USH2A: variants seen among roughly 807,000 people sequenced by gnomAD.
The protein encoded by USH2A is Usher syndrome 2A (autosomal recessive, mild).
A neutral mutation model predicts 538.9 loss-of-function variants in USH2A; 443 were observed. The observed-to-expected ratio is 0.82, with a 90% CI of 0.76 to 0.89. USH2A has a LOEUF of 0.89. Among genes scored for constraint, USH2A ranks in the 40% least tolerant of loss-of-function variants. The pLI is 0.00. For synonymous variants in USH2A, 2,413 were observed against 2,273.5 expected, an observed-to-expected ratio of 1.06 and a Z score of -1.75; for missense variants, 6,633 against 6,324.8, an observed-to-expected ratio of 1.05 and a Z score of -1.65.
intron 3 of USH2A, among the ~76,000 whole-genome samples, chr1:216,385,169 T>C (rs945563664): frequency 6.6e-6 from 1 of 152,126 alleles, no homozygotes. Flanking sequence ...CTTTCCAATA[T>C]GAGGTAAAAG....
chr1:216,234,218 G>GT lies in USH2A; in HGVS notation c.2810-2083dup, dbSNP rs1270771924. Among the ~76,000 whole-genome samples, 4 of 152,012 alleles carry GT rather than the reference G, an allele frequency of 2.6e-5. No homozygotes were observed. The East Asian group carries it at 5.8e-4, about 22-fold the overall frequency. On this transcript the variant is annotated intron_variant, in intron 13 of 71. Transcript: ENST00000307340. The stretch of plus-strand genomic sequence containing the variant: ...TTTTCTTATAGTTACCAACAATTGG[G>GT]TTTTTTTCCTTCCCCTAGATCCTAT...
intron 21 of USH2A, among the ~76,000 whole-genome samples, chr1:216,158,447 T>C (rs1190335106): frequency 6.6e-6 from 1 of 152,116 alleles, no homozygotes; most frequent in African/African-American, 2.4e-5. Context: ...TCACCCAGGC[T>C]AGTCTTGAAC....
intron 49 of USH2A, among the ~76,000 whole-genome samples, chr1:215,804,716 G>A (rs1220535054): frequency 7.2e-5 from 11 of 152,196 alleles, no homozygotes; most frequent in African/African-American, 2.7e-4. Flanking sequence ...CATTGTGGAA[G>A]TCAGTGTGGC....
intron 24 of USH2A, 26 bp from the exon 25 acceptor site, chr1:216,084,903 A>C (rs940654462): frequency 1.7e-5 from 28 of 1,603,604 alleles, no homozygotes; most frequent in Non-Finnish European, 2.4e-5. Context: ...GATATCAAGA[A>C]ATATATATTT....
chr1:215,830,006 T>C (rs1418132723), intron 47 of USH2A, among the ~76,000 whole-genome samples: 2 of 152,162 alleles, frequency 1.3e-5, no homozygotes, highest in Admixed American at 6.5e-5. Context: ...GCAAAAATTA[T>C]ATAAAGTAAC....
At chr1:216,172,459 A>C (rs2102638291) in intron 21 of USH2A, among the ~76,000 whole-genome samples, 1 of 152,214 alleles carries the variant, frequency 6.6e-6, no homozygotes, top group Non-Finnish European at 1.5e-5. Flanking sequence ...AGGACATCTT[A>C]GTTTATCTTA....
At chr1:216,267,832 A>T (rs1486171123) in intron 11 of USH2A, among the ~76,000 whole-genome samples, 1 of 152,118 alleles carries the variant, frequency 6.6e-6, no homozygotes, top group African/African-American at 2.4e-5. Flanking sequence ...GCACCTTTAC[A>T]TCATCCATTG....
chr1:216,290,996 G>A (rs908233442), intron 10 of USH2A, among the ~76,000 whole-genome samples: 1 of 152,012 alleles, frequency 6.6e-6, no homozygotes, highest in Non-Finnish European at 1.5e-5. Context: ...TTTCTCACCT[G>A]GACTATTGCA....
At chr1:216,279,271 T>C (rs1323115589) in intron 11 of USH2A, among the ~76,000 whole-genome samples, 2 of 152,164 alleles carry the variant, frequency 1.3e-5, no homozygotes, top group Admixed American at 6.6e-5. Context: ...TATTAGGTGA[T>C]ATACTCTAAT....
At chr1:215,873,812 A>C (rs1223425167) in intron 43 of USH2A, among the ~76,000 whole-genome samples, 2 of 152,060 alleles carry the variant, frequency 1.3e-5, no homozygotes, top group African/African-American at 4.8e-5. Flanking sequence ...AAAAAAAAAA[A>C]AAAATACTCT....
intron 4 of USH2A, among the ~76,000 whole-genome samples, chr1:216,345,668 T>C (rs1055075679): frequency 2.6e-5 from 4 of 152,114 alleles, no homozygotes; most frequent in African/African-American, 7.2e-5. Flanking sequence ...CACTGTGAAT[T>C]TGTCTTCCTG....
chr1:216,050,612 T>TTCTTTCTTTC (rs1558231950), intron 30 of USH2A, among the ~76,000 whole-genome samples: 1 of 25,464 alleles, frequency 3.9e-5, no homozygotes, highest in Admixed American at 4.3e-4. Context: ...TTCTTTTTTT[T>TTCTTTCTTTC]TTTTTTTTTT....
chr1:215,946,688 A>G (rs960977295), intron 37 of USH2A, among the ~76,000 whole-genome samples: 3 of 152,238 alleles, frequency 2.0e-5, no homozygotes, highest in African/African-American at 7.2e-5. Flanking sequence ...GCCCCTATCC[A>G]CATATGGCTA....
At chr1:216,146,743 C>G (rs2033714278) in intron 21 of USH2A, among the ~76,000 whole-genome samples, 1 of 152,028 alleles carries the variant, frequency 6.6e-6, no homozygotes, top group African/African-American at 2.4e-5. Context: ...GGCAAGAACC[C>G]CACTCCCCTC....
chr1:216,280,755 T>C (rs1264280199), intron 11 of USH2A, among the ~76,000 whole-genome samples: 2 of 152,072 alleles, frequency 1.3e-5, no homozygotes, highest in African/African-American at 4.8e-5. Flanking sequence ...TCTTATGAGA[T>C]TGGATTGAGT....
At chr1:215,665,399 G>A (rs985182803) in intron 64 of USH2A, among the ~76,000 whole-genome samples, 1 of 152,062 alleles carries the variant, frequency 6.6e-6, no homozygotes, top group Non-Finnish European at 1.5e-5. Flanking sequence ...GGTGCTTACC[G>A]CAAAAATCTG....
rs546803238 is a variant in USH2A, at chr1:216,227,661, C to T, written c.2993+4292G>A. ...TAGATAAAAAATTAAAAATGTGTGA[C>T]AATGTAGACAAGCTGGAGGTGGAGA... On this transcript the variant is annotated intron_variant, in intron 14 of 71. Coordinates refer to ENST00000307340, the MANE Select transcript of USH2A (RefSeq NM_206933.4). 3.7e-4 allele frequency among the ~76,000 whole-genome samples: 57 copies of T among 152,104 alleles called. No individual in the cohort carries two copies. In the South Asian group the frequency reaches 0.012, roughly 32 times the overall value.
At chr1:215,685,727 T>C (rs1280365457) in intron 61 of USH2A, among the ~76,000 whole-genome samples, 1 of 152,090 alleles carries the variant, frequency 6.6e-6, no homozygotes, top group Non-Finnish European at 1.5e-5. Flanking sequence ...ATATCAAACT[T>C]GAATACTTAT....
intron 21 of USH2A, among the ~76,000 whole-genome samples, chr1:216,162,622 C>T (rs1482567121): frequency 6.6e-6 from 1 of 152,080 alleles, no homozygotes; most frequent in Non-Finnish European, 1.5e-5. Flanking sequence ...CTTTAGGCTT[C>T]ACTAGGGTGA....
Sources: allele counts gnomAD v4.1 joint callset (sites outside exome capture counted in the v4.1 genomes callset), GRCh38; gene constraint gnomAD v4.1.1; transcripts MANE v1.5; gene names NCBI Gene and HGNC (gene_info 2026-07-23, HGNC 2026-07-21).